Variants in SUDS3 observed in about 807,000 individuals in gnomAD.
The protein encoded by SUDS3 is SIN3A corepressor complex component SDS3.
SUDS3 carries 23 observed loss-of-function variants against 53.5 expected under a neutral mutation model. The observed-to-expected ratio is 0.43, with a 90% CI of 0.31 to 0.61. The LOEUF is 0.61. Ranked by LOEUF, SUDS3 falls within the 20% of genes least tolerant of loss-of-function variation. The pLI is 0.10. For missense variants in SUDS3, 291 were observed against 405.9 expected (o/e 0.72, Z 2.43); for synonymous variants, 150 against 148.5 (o/e 1.01, Z -0.08).
At chr12:118,384,175 G>A (rs2046093367) in intron 3 of SUDS3, 108 bp downstream of exon 3, 2 of 1,143,236 alleles carry the variant, frequency 1.7e-6, no homozygotes, top group African/African-American at 1.6e-5. Flanking sequence ...AACACGGTCT[G>A]GCTGATCTTA....
At chr12:118,401,349 A>G (rs562805643) in intron 7 of SUDS3, among the ~76,000 whole-genome samples, 3 of 152,352 alleles carry the variant, frequency 2.0e-5, no homozygotes, top group Non-Finnish European at 4.4e-5. Flanking sequence ...AGGAAAGGGC[A>G]TAACTTCAGG....
In SUDS3 at chr12:118,376,807, G is replaced by T; in HGVS notation, c.116G>T (p.Ser39Ile). The change falls in exon 1 of 12, where the codon AGC becomes ATC. Residue 39 changes from serine to isoleucine, a missense_variant. Ser to Ile is a moderately radical substitution (Grantham distance 142). Coordinates refer to ENST00000543473, the MANE Select transcript of SUDS3 (RefSeq NM_022491.3). Reference sequence around the variant, plus strand: ...GAGAGCGCCGAGGACGACGAGCGCAGCTGTCGGGGCCGCGAGTCGGACGAA... The same window carrying T: ...GAGAGCGCCGAGGACGACGAGCGCATCTGTCGGGGCCGCGAGTCGGACGAA... ...ELESAEDDER[S>I]CRGRESDEDT... 6.4e-7 allele frequency: 1 copy of T among 1,550,760 alleles called. No homozygotes were observed. Among genetic ancestry groups the T allele is most frequent in the Non-Finnish European group, 8.7e-7 (1 of 1,154,922 alleles).
At chr12:118,396,960 A>G (rs1165846761) in intron 6 of SUDS3, among the ~76,000 whole-genome samples, 1 of 152,168 alleles carries the variant, frequency 6.6e-6, no homozygotes, top group African/African-American at 2.4e-5. Context: ...GATTTGCACT[A>G]TTAAAAGTCA....
At chr12:118,382,366 AGCCAC>A (rs2046074028) in intron 2 of SUDS3, among the ~76,000 whole-genome samples, 8 of 79,594 alleles carry the variant, frequency 1.0e-4, no homozygotes, top group African/African-American at 7.8e-4. Flanking sequence ...TTGAGACAGT[AGCCAC>A]TTTTTTTTGA....
chr12:118,381,993 T>G (rs2046067962), intron 2 of SUDS3, among the ~76,000 whole-genome samples: 2 of 152,178 alleles, frequency 1.3e-5, no homozygotes, highest in Non-Finnish European at 2.9e-5. Context: ...GCTTTGGAAC[T>G]CAAAGGGGTA....
At chr12:118,400,424 G>C (rs1370296397) in intron 6 of SUDS3, among the ~76,000 whole-genome samples, 4 of 152,172 alleles carry the variant, frequency 2.6e-5, no homozygotes, top group Admixed American at 1.3e-4. Flanking sequence ...ATGCTTGACG[G>C]TAGGGCTGCA....
intron 2 of SUDS3, among the ~76,000 whole-genome samples, chr12:118,383,231 C>T (rs1465921463): frequency 1.3e-5 from 2 of 152,188 alleles, no homozygotes; most frequent in Non-Finnish European, 2.9e-5. Flanking sequence ...ATATGTTGGA[C>T]AGTGTTCTTT....
chr12:118,389,556 G>A (rs1298514645), intron 4 of SUDS3, among the ~76,000 whole-genome samples: 1 of 150,298 alleles, frequency 6.7e-6, no homozygotes, highest in Non-Finnish European at 1.5e-5. Context: ...CTGTCACCCA[G>A]GCTGTAGTAC....
chr12:118,383,628 A>C (rs2046087572), intron 2 of SUDS3, among the ~76,000 whole-genome samples: 3 of 152,222 alleles, frequency 2.0e-5, no homozygotes, highest in Admixed American at 6.5e-5. Flanking sequence ...CTCTCCTGTA[A>C]CTTACAATCT....
intron 2 of SUDS3, among the ~76,000 whole-genome samples, chr12:118,382,430 C>T (rs567473061): frequency 1.5e-4 from 23 of 152,100 alleles, no homozygotes; most frequent in African/African-American, 5.1e-4. Flanking sequence ...GGCATGATAG[C>T]AGCTCACTGC....
At chr12:118,399,400 G>T (rs530027484) in intron 6 of SUDS3, among the ~76,000 whole-genome samples, 1 of 152,224 alleles carries the variant, frequency 6.6e-6, no homozygotes, top group Non-Finnish European at 1.5e-5. Context: ...TACTTGGGAG[G>T]CTGAGGCATG....
In SUDS3 at chr12:118,416,745, C is replaced by T. The variant is rs559269038; in HGVS notation, c.*2312C>T. On this transcript the variant is annotated 3_prime_UTR_variant, in exon 12 of 12. Transcript: ENST00000543473. ...TTCCTGTTAGTAGATGGGGGTACTT[C>T]TGTGGTGGGCAGAAGCCTTACTAAA... is the stretch of plus-strand genomic sequence containing the variant. The T allele has an allele frequency of 6.6e-6, 1 of 152,304 alleles. No homozygotes were observed. The highest frequency in any genetic ancestry group is 2.1e-4 in the South Asian group (1 of 4,822). The allele number at this position is 152,304 out of a possible 1,614,324, so 9.4% of individuals were successfully genotyped here. A position where few individuals can be genotyped will look rare whatever the true frequency, so the allele number is the denominator to read the frequency against.
intron 3 of SUDS3, among the ~76,000 whole-genome samples, chr12:118,385,323 G>A (rs1044754121): frequency 6.6e-6 from 1 of 152,124 alleles, no homozygotes; most frequent in Non-Finnish European, 1.5e-5. Flanking sequence ...TGGCCAGGCT[G>A]GTCTTGAACT....
chr12:118,409,938 A>T (rs367834048), intron 10 of SUDS3, among the ~76,000 whole-genome samples: 2 of 152,228 alleles, frequency 1.3e-5, no homozygotes, highest in African/African-American at 4.8e-5. Flanking sequence ...GCCCTACACT[A>T]CAGGTTGAGA....
intron 9 of SUDS3, among the ~76,000 whole-genome samples, chr12:118,402,826 A>T (rs2046275400): frequency 6.6e-6 from 1 of 151,350 alleles, no homozygotes; most frequent in African/African-American, 2.4e-5. Flanking sequence ...AGTGGCGTGA[A>T]CTCGGCTCAG....
At chr12:118,387,821 G>A (rs1157619304) in intron 4 of SUDS3, among the ~76,000 whole-genome samples, 3 of 152,162 alleles carry the variant, frequency 2.0e-5, no homozygotes, top group Admixed American at 6.5e-5. Flanking sequence ...CTCCCAAAGT[G>A]CTGGGGTTAC....
At chr12:118,383,122 T>C (rs2046082720) in intron 2 of SUDS3, among the ~76,000 whole-genome samples, 1 of 152,158 alleles carries the variant, frequency 6.6e-6, no homozygotes, top group Non-Finnish European at 1.5e-5. Context: ...TTACAGAGGG[T>C]TGGGTTGTAT....
At chr12:118,408,107 G>A (rs1026418450) in intron 10 of SUDS3, among the ~76,000 whole-genome samples, 2 of 152,090 alleles carry the variant, frequency 1.3e-5, no homozygotes. Context: ...CACCATGTTC[G>A]CCAGGATGGC....
At chr12:118,399,680 G>A (rs1484984805) in intron 6 of SUDS3, among the ~76,000 whole-genome samples, 1 of 152,102 alleles carries the variant, frequency 6.6e-6, no homozygotes, top group Admixed American at 6.5e-5. Context: ...AACATTAGTT[G>A]GTGAACCTCA....
Sources: allele counts gnomAD v4.1 joint callset (sites outside exome capture counted in the v4.1 genomes callset), GRCh38; gene constraint gnomAD v4.1.1; transcripts MANE v1.5; gene names NCBI Gene and HGNC (gene_info 2026-07-23, HGNC 2026-07-21).